SLC44A1: variants seen among roughly 807,000 people sequenced by gnomAD.
The protein encoded by SLC44A1 is solute carrier family 44 member 1, also known as choline transporter-like protein 1.
In SLC44A1, 26 loss-of-function variants were observed where a neutral mutation model predicts 79.3. That is an observed-to-expected ratio of 0.33 (90% CI 0.24 to 0.46). The LOEUF (loss-of-function observed/expected upper bound fraction) is 0.46, where lower values mean the gene tolerates loss of function less well. SLC44A1 is among the 20% of genes least tolerant of loss of function. SLC44A1 has a pLI of 1.00. For missense variants in SLC44A1, 688 were observed against 798.1 expected (o/e 0.86, Z 1.66); for synonymous variants, 263 against 286.2 (o/e 0.92, Z 0.82).
chr9:105,418,274 A>G (rs1270804160), intron 15 of SLC44A1, among the ~76,000 whole-genome samples: 1 of 145,942 alleles, frequency 6.9e-6, no homozygotes, highest in Non-Finnish European at 1.5e-5. Context: ...AGATTGCGCC[A>G]TTGCACTCCA....
chr9:105,371,580 A>G (rs1828101041), intron 12 of SLC44A1, among the ~76,000 whole-genome samples: 1 of 151,866 alleles, frequency 6.6e-6, no homozygotes, highest in Non-Finnish European at 1.5e-5. Context: ...AAATACAAAA[A>G]ATTAGCCGGG....
intron 12 of SLC44A1, among the ~76,000 whole-genome samples, chr9:105,371,698 G>A (rs550934743): frequency 1.3e-4 from 15 of 116,130 alleles, no homozygotes; most frequent in Non-Finnish European, 2.1e-4. Flanking sequence ...CAGCCTGGGC[G>A]ACAGAGTGAG....
rs952187969 is a variant in SLC44A1, at chr9:105,389,103, A to G, written c.*47A>G. ...ACCCATTGACATTCCAAAACAATAT[A>G]TACACATAACTATGTATTTGTGTGT... is the stretch of plus-strand genomic sequence containing the variant. On this transcript the variant is annotated 3_prime_UTR_variant, in exon 16 of 16. Coordinates refer to ENST00000374720, the MANE Select transcript of SLC44A1 (RefSeq NM_080546.5). The G allele has an allele frequency of 6.2e-7, 1 of 1,610,078 alleles. No individual in the cohort carries two copies. Among genetic ancestry groups the G allele is most frequent in the Non-Finnish European group, 8.5e-7 (1 of 1,176,962 alleles).
Position 105,365,489 on chromosome 9 carries a change from A to G in SLC44A1, c.1260A>G (p.Lys420=), listed in dbSNP as rs748023463. The part of the protein sequence containing the change: ...AVVTYYFTRD[K]RNLPFTPILA... The stretch of plus-strand genomic sequence containing the variant: ...TTGGTCATTTTTTAAATAGGGATAA[A>G]AGGAATTTGCCATTTACACCTATTT... The change falls in exon 11 of 16, where the codon AAA becomes AAG. Residue 420 remains lysine (K), a synonymous_variant. Coordinates refer to ENST00000374720, the MANE Select transcript of SLC44A1 (RefSeq NM_080546.5). 1.9e-6 allele frequency: 3 copies of G among 1,611,862 alleles called. No individual in the cohort carries two copies. The Admixed American group carries it at 5.0e-5, about 27-fold the overall frequency.
chr9:105,292,957 T>C (rs1249814877), intron 1 of SLC44A1, among the ~76,000 whole-genome samples: 3 of 152,034 alleles, frequency 2.0e-5, no homozygotes, highest in Admixed American at 6.6e-5. Flanking sequence ...ATCCAGGAGT[T>C]CGAGACCAAC....
downstream of SLC44A1, among the ~76,000 whole-genome samples, chr9:105,399,633 A>C (rs1163192259): frequency 6.6e-6 from 1 of 152,234 alleles, no homozygotes; most frequent in Non-Finnish European, 1.5e-5. Context: ...AGAAAGGTAC[A>C]TATTTAATGT....
chr9:105,373,316 A>G (rs1267910942), intron 12 of SLC44A1, among the ~76,000 whole-genome samples: 1 of 152,202 alleles, frequency 6.6e-6, no homozygotes, highest in African/African-American at 2.4e-5. Flanking sequence ...CAAAGTTCAT[A>G]TACTTTTCCT....
At position 105,395,384 on chromosome 9, in the gene SLC44A1, A is replaced by G. The variant is rs1287616174; in HGVS notation, c.*6328A>G. 1 of 362,594 alleles carries G rather than the reference A, an allele frequency of 2.8e-6. No individual in the cohort carries two copies. The highest frequency in any genetic ancestry group is 3.8e-6 in the Non-Finnish European group (1 of 260,686). 22.5% of individuals were successfully genotyped at this position (362,594 alleles called of 1,614,324 possible). ...CAGGCATGTGCCACCACACCCAGCTAATTTTTGTATTTTTAGTAGAGACGG... is the reference window on the plus strand; with the variant it reads ...CAGGCATGTGCCACCACACCCAGCTGATTTTTGTATTTTTAGTAGAGACGG... On this transcript the variant is annotated 3_prime_UTR_variant, in exon 16 of 16. Transcript: ENST00000374720.
rs147396113 is a variant in SLC44A1 at position 105,364,665 on chromosome 9, C to A, written c.1198C>A (p.Leu400Ile). The A allele has an allele frequency of 1.1e-5, 17 of 1,613,896 alleles. No individual in the cohort carries two copies. Among genetic ancestry groups the A allele is most frequent in the Non-Finnish European group, 1.4e-5 (16 of 1,179,966 alleles). ...CCTGATTTGGATCAGTGAATTTATT[C>A]TAGCATGTCAGCAGATGACAGTGGC... Reference protein sequence around the residue: ...VGLIWISEFILACQQMTVAGA... With the variant: ...VGLIWISEFIIACQQMTVAGA... The change falls in exon 10 of 16, where the codon CTA becomes ATA. Residue 400 changes from leucine to isoleucine, a missense_variant. Transcript: ENST00000374720.
chr9:105,310,138 A>T (rs1293810863), intron 3 of SLC44A1, among the ~76,000 whole-genome samples: 3 of 151,494 alleles, frequency 2.0e-5, no homozygotes. Context: ...TGAAAAGGTT[A>T]TTCTTTTACT....
At chr9:105,365,283 T>C (rs560842079) in intron 10 of SLC44A1, among the ~76,000 whole-genome samples, 200 bp from the exon 11 acceptor site, 1 of 152,262 alleles carries the variant, frequency 6.6e-6, no homozygotes, top group South Asian at 2.1e-4. Context: ...GAAACTACCA[T>C]AGAGCAATGA....
Position 105,383,354 on chromosome 9 carries a change from C to T in SLC44A1, c.1864C>T (p.Leu622=). ...CAGAGAATTCTATATGGATAAAGTG[C>T]TGATGGTAAGTACTTCAAATGCCGT... is the stretch of plus-strand genomic sequence containing the variant. ...PGREFYMDKV[L]MEFVENSRKA... Residue 622 remains leucine, a synonymous_variant, in exon 14 of 16, where the codon CTG becomes TTG. Transcript: ENST00000374720. 1.3e-6 allele frequency: 2 copies of T among 1,571,290 alleles called. No individual in the cohort carries two copies. The highest frequency in any genetic ancestry group is 1.8e-6 in the Non-Finnish European group (2 of 1,140,970).
chr9:105,327,513 C>T (rs1826617113), intron 3 of SLC44A1, among the ~76,000 whole-genome samples: 1 of 152,136 alleles, frequency 6.6e-6, no homozygotes, highest in African/African-American at 2.4e-5. Flanking sequence ...GAACTCCTGA[C>T]CTCAAGTGAT....
intron 6 of SLC44A1, 88 bp from the exon 7 acceptor site, chr9:105,358,256 G>C (rs1033827354): frequency 4.0e-6 from 3 of 742,718 alleles, no homozygotes; most frequent in Non-Finnish European, 6.9e-6. Context: ...TATTTCCCTG[G>C]GGAAAAAAGC....
chr9:105,393,298 A>G lies in SLC44A1; in HGVS notation c.*4242A>G, dbSNP rs1828807735. The G allele has an allele frequency of 1.0e-6, 1 of 985,314 alleles. No homozygotes were observed. The highest frequency in any genetic ancestry group is 1.7e-5 in the African/African-American group (1 of 57,240). 61.0% of individuals were successfully genotyped at this position (985,314 alleles called of 1,614,324 possible). A position where few individuals can be genotyped will look rare whatever the true frequency, so the allele number is the denominator to read the frequency against. On this transcript the variant is annotated 3_prime_UTR_variant, in exon 16 of 16. Coordinates refer to ENST00000374720, the MANE Select transcript of SLC44A1 (RefSeq NM_080546.5). ...CATACACAGTAGCTTCTTGGAATTA[A>G]CTCATCTTTGTTAACTTAGTGGCAC...
At chr9:105,344,851 G>A (rs191640473) in intron 4 of SLC44A1, among the ~76,000 whole-genome samples, 2 of 152,244 alleles carry the variant, frequency 1.3e-5, no homozygotes, top group Non-Finnish European at 2.9e-5. Flanking sequence ...TAGCTTTGTT[G>A]GGTTGGTCAG....
intron 1 of SLC44A1, among the ~76,000 whole-genome samples, chr9:105,246,813 C>T (rs865975888): frequency 1.2e-4 from 19 of 152,224 alleles, no homozygotes; most frequent in African/African-American, 3.9e-4. Context: ...CATCAGAACT[C>T]TGCTTTAAAA....
At chr9:105,253,505 A>G (rs1322138471) in intron 1 of SLC44A1, among the ~76,000 whole-genome samples, 1 of 152,124 alleles carries the variant, frequency 6.6e-6, no homozygotes, top group African/African-American at 2.4e-5. Context: ...AGGCAGGAGG[A>G]TTACTTGAAG....
At chr9:105,348,563 A>G in intron 5 of SLC44A1, 112 bp downstream of exon 5, 2 of 612,020 alleles carry the variant, frequency 3.3e-6, no homozygotes, top group South Asian at 4.7e-5. Context: ...GGCCAGGTCC[A>G]ATACTTTTAT....
Sources: allele counts gnomAD v4.1 joint callset (sites outside exome capture counted in the v4.1 genomes callset), GRCh38; gene constraint gnomAD v4.1.1; transcripts MANE v1.5; gene names NCBI Gene and HGNC (gene_info 2026-07-23, HGNC 2026-07-21).